The following C1orf167 variants were observed in gnomAD, a reference collection of about 807,000 sequenced individuals.
The protein encoded by C1orf167 is chromosome 1 open reading frame 167, also known as uncharacterized protein C1orf167.
Under a neutral mutation model 176.5 loss-of-function variants are expected in C1orf167, and 153 were observed. The ratio of observed to expected loss-of-function variants is 0.87; its 90% CI spans 0.76 to 0.99. The LOEUF (loss-of-function observed/expected upper bound fraction) is 0.99, where lower values mean the gene tolerates loss of function less well. Among genes scored for constraint, C1orf167 ranks in the 50% least tolerant of loss-of-function variants. C1orf167 has a pLI of 0.00. For synonymous variants in C1orf167, 594 were observed against 752.7 expected, an observed-to-expected ratio of 0.79 and a Z score of 3.45; for missense variants, 1,490 against 1,817.7, an observed-to-expected ratio of 0.82 and a Z score of 3.28.
rs750866088 is a variant in C1orf167 at position 11,779,942 on chromosome 1, G to T, written c.2792G>T (p.Trp931Leu). The change falls in exon 13 of 21, where the codon TGG (tryptophan) becomes TTG (leucine). Residue 931 changes from tryptophan to leucine, a missense_variant. Physicochemically the swap from Trp to Leu is moderately conservative, Grantham distance 61. Coordinates refer to ENST00000688073, the MANE Select transcript of C1orf167 (RefSeq NM_001010881.2). Reference sequence around the variant, plus strand: ...CTGCTGCAGTCACGGCTGGTGGAGTGGTGGGCCCAGGAGCGGGGCTGGCGG... The same window carrying T: ...CTGCTGCAGTCACGGCTGGTGGAGTTGTGGGCCCAGGAGCGGGGCTGGCGG... ...QRLLQSRLVE[W>L]WAQERGWRLA... 3.1e-6 allele frequency: 4 copies of T among 1,300,634 alleles called. No individual in the cohort carries two copies. The Admixed American group carries it at 9.2e-5, about 30-fold the overall frequency. 80.6% of individuals were successfully genotyped at this position (1,300,634 alleles called of 1,614,324 possible). A position where few individuals can be genotyped will look rare whatever the true frequency, so the allele number is the denominator to read the frequency against.
At position 11,762,289 on chromosome 1, in the gene C1orf167, G is replaced by A. The variant is rs1351287084; in HGVS notation, c.-87G>A. ...AATCCGACTGGGTGAAGGAGGACCC[G>A]AGGAGGACCCACGCACGTGAGGGCA... is the stretch of plus-strand genomic sequence containing the variant. On this transcript the variant is annotated 5_prime_UTR_variant, in exon 1 of 21. Transcript: ENST00000688073. The A allele has an allele frequency of 2.5e-6, 1 of 401,702 alleles. No individual in the cohort carries two copies. The highest frequency in any genetic ancestry group is 2.7e-5 in the Admixed American group (1 of 36,398). 24.9% of individuals were successfully genotyped at this position (401,702 alleles called of 1,614,324 possible). A position where few individuals can be genotyped will look rare whatever the true frequency, so the allele number is the denominator to read the frequency against.
At position 11,778,747 on chromosome 1, in the gene C1orf167, A is replaced by C. The variant is rs1365794390; in HGVS notation, c.2427A>C (p.Ser809=). 3.1e-6 allele frequency: 4 copies of C among 1,304,032 alleles called. No individual in the cohort carries two copies. Among genetic ancestry groups the C allele is most frequent in the Non-Finnish European group, 3.0e-6 (3 of 988,876 alleles). 80.8% of individuals were successfully genotyped at this position (1,304,032 alleles called of 1,614,324 possible). A position where few individuals can be genotyped will look rare whatever the true frequency, so the allele number is the denominator to read the frequency against. The part of the protein sequence containing the change: ...HLRALGPDAT[S]SCTKTPSALE... ...GGGCACTGGGCCCAGATGCCACATC[A>C]AGCTGCACCAAGACCCCCTCGGCTC... is the stretch of plus-strand genomic sequence containing the variant. The change falls in exon 11 of 21, where the codon TCA becomes TCC. Residue 809 remains serine, a synonymous_variant. Transcript: ENST00000688073.
At position 11,779,233 on chromosome 1, in the gene C1orf167, A is replaced by G. The variant is rs188656361; in HGVS notation, c.2651+153A>G. On this transcript the variant is annotated intron_variant, in intron 12 of 20. Transcript: ENST00000688073. Reference sequence around the variant, plus strand: ...CCTGTCTTCCTGCCCCGTCCTACTGAGAGGGTGTCGGGGAGTGGTGAGGCA... The same window carrying G: ...CCTGTCTTCCTGCCCCGTCCTACTGGGAGGGTGTCGGGGAGTGGTGAGGCA... 13 of 725,494 alleles carry G rather than the reference A, an allele frequency of 1.8e-5. No individual in the cohort carries two copies. The East Asian group carries it at 9.1e-4, about 51-fold the overall frequency. The allele number at this position is 725,494 out of a possible 1,614,324, so 44.9% of individuals were successfully genotyped here.
intron 2 of C1orf167, 65 bp downstream of exon 2, chr1:11,764,535 A>G (rs1642694511): frequency 1.2e-5 from 15 of 1,240,816 alleles, no homozygotes; most frequent in Non-Finnish European, 1.5e-5. Context: ...GTATTGGCCC[A>G]GAGCCCCCCT....
Position 11,765,784 on chromosome 1 carries a change from G to C in C1orf167, c.71-73G>C, listed in dbSNP as rs925805272. The C allele has an allele frequency of 3.5e-6, 4 of 1,156,394 alleles. No individual in the cohort carries two copies. The African/African-American group carries it at 4.8e-5, about 14-fold the overall frequency. 71.6% of individuals were successfully genotyped at this position (1,156,394 alleles called of 1,614,324 possible). A position where few individuals can be genotyped will look rare whatever the true frequency, so the allele number is the denominator to read the frequency against. ...GGGGCCCTGTCCCCTCCCTGGCTCC[G>C]AGGCCTGGAGAGCTTCGCCTGTCCC... On this transcript the variant is annotated intron_variant, in intron 2 of 20. Transcript: ENST00000688073.
intron 14 of C1orf167, 151 bp from the exon 15 acceptor site, chr1:11,784,023 A>G (rs1049213404): frequency 8.8e-5 from 54 of 614,860 alleles, no homozygotes; most frequent in Non-Finnish European, 2.8e-5. Context: ...AGGCCTGGCT[A>G]ATTTTTGTAT....
intron 2 of C1orf167, among the ~76,000 whole-genome samples, chr1:11,765,053 CAAAAAAAAA>C (rs376686533): frequency 4.4e-5 from 3 of 67,460 alleles, no homozygotes; most frequent in African/African-American, 1.4e-4. Flanking sequence ...GACTCTGTCT[CAAAAAAAAA>C]AAAAAAAAAA....
Position 11,789,511 on chromosome 1 carries a change from C to T in C1orf167, c.*65C>T, listed in dbSNP as rs1176711449. The T allele has an allele frequency of 7.9e-7, 1 of 1,259,200 alleles. No individual in the cohort carries two copies. Among genetic ancestry groups the T allele is most frequent in the African/African-American group, 1.5e-5 (1 of 64,782 alleles). 78.0% of individuals were successfully genotyped at this position (1,259,200 alleles called of 1,614,324 possible). On this transcript the variant is annotated 3_prime_UTR_variant, in exon 21 of 21. Coordinates refer to ENST00000688073, the MANE Select transcript of C1orf167 (RefSeq NM_001010881.2). The stretch of plus-strand genomic sequence containing the variant: ...TTCCCAGGGAAGGAACCATGCCCCA[C>T]ACATCCAGGGAGTGATGACAGAGGG...
Position 11,766,511 on chromosome 1 carries a change from C to G in C1orf167, c.725C>G (p.Ala242Gly), listed in dbSNP as rs1291845836. The G allele has an allele frequency of 7.8e-7, 1 of 1,275,982 alleles. No homozygotes were observed. The highest frequency in any genetic ancestry group is 1.5e-5 in the African/African-American group (1 of 65,382). The allele number at this position is 1,275,982 out of a possible 1,614,324, so 79.0% of individuals were successfully genotyped here. A position where few individuals can be genotyped will look rare whatever the true frequency, so the allele number is the denominator to read the frequency against. The change falls in exon 3 of 21, where the codon GCT becomes GGT. Residue 242 changes from alanine (A) to glycine (G), a missense_variant. Ala to Gly is a moderately conservative substitution (Grantham distance 60). Transcript: ENST00000688073. The surrounding 1 kb of genome is among the most constrained non-coding windows in gnomAD (Gnocchi z 4.5). ...CGTGCTGCCGTCCACCAGCTGCTGG[C>G]TTCTGTACATTGCCTGGCGCAGGAG... ...PSRAAVHQLL[A>G]SVHCLAQEAA...
rs7523653 is a variant in C1orf167, at chr1:11,784,367, G to A, written c.3199G>A (p.Gly1067Arg). ...QASLARWRSC[G>R]QQGQEDGQQK... ...CTCCCTTGCCCGCTGGAGAAGCTGC[G>A]GGCAGCAAGGCCAGGAAGATGGGCA... Residue 1067 changes from glycine to arginine, a missense_variant, in exon 15 of 21, where the codon GGG becomes AGG. Physicochemically the swap from Gly to Arg is moderately radical, Grantham distance 125. Coordinates refer to ENST00000688073, the MANE Select transcript of C1orf167 (RefSeq NM_001010881.2). 8,606 of 1,304,094 alleles carry A rather than the reference G, an allele frequency of 6.6e-3. 406 individuals are homozygous for A. In the African/African-American group the frequency reaches 0.11, roughly 16 times the overall value. 80.8% of individuals were successfully genotyped at this position (1,304,094 alleles called of 1,614,324 possible). A position where few individuals can be genotyped will look rare whatever the true frequency, so the allele number is the denominator to read the frequency against.
At chr1:11,777,345 T>C (rs1305466612) in intron 10 of C1orf167, 1 of 152,768 alleles carries the variant, frequency 6.5e-6, no homozygotes, top group African/African-American at 2.4e-5. Context: ...AGCGAGCAGT[T>C]GCAGGGTTAA....
Position 11,784,435 on chromosome 1 carries a change from A to T in C1orf167, c.3267A>T (p.Pro1089=). 7.7e-7 allele frequency: 1 copy of T among 1,303,706 alleles called. No individual in the cohort carries two copies. The highest frequency in any genetic ancestry group is 1.2e-5 in the South Asian group (1 of 81,010). The allele number at this position is 1,303,706 out of a possible 1,614,324, so 80.8% of individuals were successfully genotyped here. A position where few individuals can be genotyped will look rare whatever the true frequency, so the allele number is the denominator to read the frequency against. The change falls in exon 15 of 21, where the codon CCA becomes CCT. Residue 1089 remains proline (P), a synonymous_variant. Transcript: ENST00000688073. ...CCCCACAGGCCTTCCCAGCATGGCC[A>T]GTGGCCCCGGGCATGCACCATGAGG... ...ARAPQAFPAW[P]VAPGMHHEAQ... is the part of the protein sequence containing the mutation.
Position 11,788,697 on chromosome 1 carries a change from C to A in C1orf167, c.4124C>A (p.Ala1375Glu). The change falls in exon 20 of 21, where the codon GCG (alanine) becomes GAG (glutamate). Residue 1375 changes from alanine (A) to glutamate (E), a missense_variant. By Grantham distance (107) the Ala-to-Glu change is moderately radical (BLOSUM62 -1). Transcript: ENST00000688073. Reference sequence around the variant, plus strand: ...ATGGGCCTGGCAGACGTGGTGGCAGCGGATCCTGCGACTGCGAGTGGCTCA... The same window carrying A: ...ATGGGCCTGGCAGACGTGGTGGCAGAGGATCCTGCGACTGCGAGTGGCTCA... Reference protein sequence around the residue: ...PEMGLADVVAADPATASGSAV... With the variant: ...PEMGLADVVAEDPATASGSAV... The A allele has an allele frequency of 7.7e-7, 1 of 1,304,222 alleles. No homozygotes were observed. The highest frequency in any genetic ancestry group is 1.0e-6 in the Non-Finnish European group (1 of 988,940). 80.8% of individuals were successfully genotyped at this position (1,304,222 alleles called of 1,614,324 possible). A position where few individuals can be genotyped will look rare whatever the true frequency, so the allele number is the denominator to read the frequency against.
Position 11,776,471 on chromosome 1 carries a change from G to A in C1orf167, c.2172G>A (p.Glu724=), listed in dbSNP as rs1426507105. The change falls in exon 10 of 21, where the codon GAG becomes GAA. Residue 724 remains glutamate (E), a synonymous_variant. Transcript: ENST00000688073. ...CTCTTGACGGTTTCTCAGGACGTGA[G>A]GCTGTCTACACCGCAGGCCCTGGAG... ...LSLCRQKAGR[E]AVYTAGPGAC... The A allele has an allele frequency of 1.5e-6, 2 of 1,301,878 alleles. No individual in the cohort carries two copies. Among genetic ancestry groups the A allele is most frequent in the Non-Finnish European group, 1.0e-6 (1 of 988,024 alleles). The allele number at this position is 1,301,878 out of a possible 1,614,324, so 80.6% of individuals were successfully genotyped here.
rs1445430307 is a variant in C1orf167 at position 11,766,180 on chromosome 1, A to G, written c.394A>G (p.Ser132Gly). Reference sequence around the variant, plus strand: ...CAACCTGAGCATCAACGAGACCAGCAGCCCCCACCTCTGCCCAGAGCCTGG... The same window carrying G: ...CAACCTGAGCATCAACGAGACCAGCGGCCCCCACCTCTGCCCAGAGCCTGG... ...QSNLSINETS[S>G]PHLCPEPGGS... Residue 132 changes from serine (S) to glycine (G), a missense_variant, in exon 3 of 21, where the codon AGC becomes GGC. Physicochemically the swap from Ser to Gly is moderately conservative, Grantham distance 56. Transcript: ENST00000688073. The surrounding 1 kb of genome is among the most constrained non-coding windows in gnomAD (Gnocchi z 4.5). 7.8e-7 allele frequency: 1 copy of G among 1,289,636 alleles called. No individual in the cohort carries two copies. The highest frequency in any genetic ancestry group is 1.5e-5 in the African/African-American group (1 of 65,866). The allele number at this position is 1,289,636 out of a possible 1,614,324, so 79.9% of individuals were successfully genotyped here. A position where few individuals can be genotyped will look rare whatever the true frequency, so the allele number is the denominator to read the frequency against.
At chr1:11,779,726 A>G (rs1643501747) in intron 12 of C1orf167, 76 bp from the exon 13 acceptor site, 1 of 1,100,076 alleles carries the variant, frequency 9.1e-7, no homozygotes, top group Non-Finnish European at 1.2e-6. Flanking sequence ...AGAGGAAGAG[A>G]AAGGAGGGTG....
rs1643276789 is a variant in C1orf167 at position 11,775,591 on chromosome 1, C to T, written c.2145C>T (p.Ser715=). 3.1e-6 allele frequency: 4 copies of T among 1,302,968 alleles called. No individual in the cohort carries two copies. The highest frequency in any genetic ancestry group is 4.0e-6 in the Non-Finnish European group (4 of 988,414). The allele number at this position is 1,302,968 out of a possible 1,614,324, so 80.7% of individuals were successfully genotyped here. A position where few individuals can be genotyped will look rare whatever the true frequency, so the allele number is the denominator to read the frequency against. The change falls in exon 9 of 21, where the codon TCC becomes TCT. Residue 715 remains serine, a synonymous_variant. Coordinates refer to ENST00000688073, the MANE Select transcript of C1orf167 (RefSeq NM_001010881.2). The part of the protein sequence containing the change: ...ESDGAKVTQL[S]LCRQKAGREA... ...ATGGGGCAAAGGTGACCCAGCTGTC[C>T]CTCTGCCGGCAGAAAGCAGGTGAGC...
chr1:11,773,182 C>T (rs1450493510), intron 8 of C1orf167, among the ~76,000 whole-genome samples: 7 of 151,738 alleles, frequency 4.6e-5, no homozygotes, highest in African/African-American at 7.2e-5. Context: ...CATGAGCCAC[C>T]GCACCCGGCC....
chr1:11,775,854 CA>C (rs1425565505), intron 9 of C1orf167, among the ~76,000 whole-genome samples: 32 of 152,200 alleles, frequency 2.1e-4, no homozygotes, highest in Admixed American at 1.5e-3. Flanking sequence ...CCTCCCACTG[CA>C]GGCTTTCTCA....
Sources: allele counts gnomAD v4.1 joint callset (sites outside exome capture counted in the v4.1 genomes callset), GRCh38; gene constraint gnomAD v4.1.1; non-coding constraint Gnocchi (gnomAD v3.1); transcripts MANE v1.5; gene names NCBI Gene and HGNC (gene_info 2026-07-23, HGNC 2026-07-21).